The following RIMS1 variants were observed in gnomAD, a reference collection of about 807,000 sequenced individuals.
RIMS1 encodes the protein regulating synaptic membrane exocytosis 1.
A neutral mutation model predicts 214.1 loss-of-function variants in RIMS1; 83 were observed. That is an observed-to-expected ratio of 0.39 (90% confidence interval 0.32 to 0.47). RIMS1 has a LOEUF of 0.47. Ranked by LOEUF, RIMS1 falls within the 20% of genes least tolerant of loss-of-function variation. RIMS1 has a pLI of 0.99. For synonymous variants in RIMS1, 793 were observed against 786.8 expected, an observed-to-expected ratio of 1.01 and a Z score of -0.13; for missense variants, 2,050 against 2,161.8, an observed-to-expected ratio of 0.95 and a Z score of 1.03.
chr6:72,232,276 C>G (rs1185125162), intron 6 of RIMS1, among the ~76,000 whole-genome samples: 2 of 151,428 alleles, frequency 1.3e-5, no homozygotes, highest in African/African-American at 4.8e-5. Flanking sequence ...CAATAATTAC[C>G]TTTTGAATTA....
Position 72,251,384 on chromosome 6 carries a change from T to G in RIMS1, c.2698+16T>G. On this transcript the variant is annotated intron_variant, in intron 15 of 33. Coordinates refer to ENST00000521978, the MANE Select transcript of RIMS1 (RefSeq NM_014989.7). ...AAGCTACAAAGTAGGTTAAGGTCCT[T>G]TTAGTTGCCACAAAGTAATTATGCT... 1 of 1,547,480 alleles carries G rather than the reference T, an allele frequency of 6.5e-7. No individual in the cohort carries two copies. Among genetic ancestry groups the G allele is most frequent in the Non-Finnish European group, 8.7e-7 (1 of 1,145,458 alleles).
intron 29 of RIMS1, among the ~76,000 whole-genome samples, chr6:72,348,367 G>A (rs2097336939): frequency 6.6e-6 from 1 of 151,842 alleles, no homozygotes; most frequent in African/African-American, 2.4e-5. Context: ...TCATCCTGGA[G>A]TCAATCCCCA....
At chr6:71,964,790 G>C (rs1793973072) in intron 1 of RIMS1, among the ~76,000 whole-genome samples, 1 of 152,160 alleles carries the variant, frequency 6.6e-6, no homozygotes, top group African/African-American at 2.4e-5. Flanking sequence ...GAGTTAAGAA[G>C]AAAGAATCAG....
In RIMS1 at chr6:72,220,339, G is replaced by GA. The variant is rs76600666; in HGVS notation, c.1679-13428dup. 2.0e-5 allele frequency among the ~76,000 whole-genome samples: 3 copies of GA among 152,074 alleles called. No individual in the cohort carries two copies. In the East Asian group the frequency reaches 5.8e-4, roughly 29 times the overall value. ...TAAAGGAAGCAATGGACTCTTGAGGGAAAAAATACTTTTGCACACAAAATT... is the reference window on the plus strand; with the variant it reads ...TAAAGGAAGCAATGGACTCTTGAGGGAAAAAAATACTTTTGCACACAAAATT... On this transcript the variant is annotated intron_variant, in intron 6 of 33. Transcript: ENST00000521978.
intron 29 of RIMS1, among the ~76,000 whole-genome samples, chr6:72,358,059 T>A (rs1014248067): frequency 3.2e-5 from 4 of 126,662 alleles, no homozygotes; most frequent in Admixed American, 1.6e-4. Flanking sequence ...TTAAACAGTA[T>A]CACCACCTTG....
In RIMS1 at chr6:72,320,103, C is replaced by T. The variant is rs62407507; in HGVS notation, c.4130+6431C>T. 4.4e-3 allele frequency among the ~76,000 whole-genome samples: 674 copies of T among 152,226 alleles called. 7 individuals are homozygous for T. Among genetic ancestry groups the T allele is most frequent in the Admixed American group, 7.0e-3 (107 of 15,288 alleles). ...TTACTAATATTTAACTTATCCACTT[C>T]ACAGTGCTTCATGGTGAGTTGGATG... On this transcript the variant is annotated intron_variant, in intron 28 of 33. Transcript: ENST00000521978.
At chr6:72,191,190 C>A (rs1452395446) in intron 6 of RIMS1, among the ~76,000 whole-genome samples, 1 of 152,186 alleles carries the variant, frequency 6.6e-6, no homozygotes, top group Non-Finnish European at 1.5e-5. Context: ...GATAGATGGG[C>A]AGAGTAACAC....
chr6:72,349,829 A>T (rs1283968884), intron 29 of RIMS1, among the ~76,000 whole-genome samples: 1 of 152,100 alleles, frequency 6.6e-6, no homozygotes, highest in African/African-American at 2.4e-5. Context: ...GTTTTTAAAA[A>T]GGAAAAATAA....
chr6:72,262,642 A>G, intron 19 of RIMS1: 1 of 898,710 alleles, frequency 1.1e-6, no homozygotes. Context: ...TGTATTTATA[A>G]AAACATTAAT....
Position 72,182,278 on chromosome 6 carries a change from T to A in RIMS1, c.813-6T>A. 6.4e-7 allele frequency: 1 copy of A among 1,562,868 alleles called. No homozygotes were observed. Among genetic ancestry groups the A allele is most frequent in the Non-Finnish European group, 8.6e-7 (1 of 1,159,788 alleles). On this transcript the variant is annotated splice_polypyrimidine_tract_variant and splice_region_variant and intron_variant, in intron 5 of 33. Coordinates refer to ENST00000521978, the MANE Select transcript of RIMS1 (RefSeq NM_014989.7). The stretch of plus-strand genomic sequence containing the variant: ...GCTCTCCTTGACGTTCCTTTGTATA[T>A]CATAGAAAGAAGACCCCAGGGCTTT...
At chr6:72,122,129 G>A in intron 4 of RIMS1, among the ~76,000 whole-genome samples, 1 of 150,970 alleles carries the variant, frequency 6.6e-6, no homozygotes, top group East Asian at 1.9e-4. Context: ...TTTTTGTTGT[G>A]TCTCTGCCAG....
intron 2 of RIMS1, among the ~76,000 whole-genome samples, chr6:71,980,363 A>C (rs888704132): frequency 2.0e-5 from 3 of 152,152 alleles, no homozygotes; most frequent in Admixed American, 1.3e-4. Flanking sequence ...AAATGAATGC[A>C]CTCATGTATT....
chr6:71,959,150 T>G (rs898880963), intron 1 of RIMS1, among the ~76,000 whole-genome samples: 1 of 152,158 alleles, frequency 6.6e-6, no homozygotes, highest in African/African-American at 2.4e-5. Context: ...CACTTTAATA[T>G]TTTTACAAAA....
intron 28 of RIMS1, among the ~76,000 whole-genome samples, chr6:72,325,033 G>A (rs751383770): frequency 4.6e-5 from 7 of 151,930 alleles, no homozygotes; most frequent in Non-Finnish European, 8.8e-5. Context: ...AAATGATTCT[G>A]TAATTGTTTT....
chr6:72,030,187 T>G (rs540231047), intron 2 of RIMS1, among the ~76,000 whole-genome samples: 1 of 152,312 alleles, frequency 6.6e-6, no homozygotes, highest in East Asian at 1.9e-4. Context: ...AATGCAGAGT[T>G]TGATTCATTA....
chr6:72,268,589 A>G (rs2081629155), intron 22 of RIMS1, among the ~76,000 whole-genome samples: 1 of 152,192 alleles, frequency 6.6e-6, no homozygotes, highest in Non-Finnish European at 1.5e-5. Flanking sequence ...TTTTCTAATG[A>G]TTCAGAAGAT....
intron 1 of RIMS1, among the ~76,000 whole-genome samples, chr6:71,918,667 A>G (rs1779122853): frequency 6.6e-6 from 1 of 152,166 alleles, no homozygotes; most frequent in African/African-American, 2.4e-5. Context: ...GTTTAAAAGA[A>G]AAATCTTGAT....
At chr6:72,168,333 C>T (rs576544917) in intron 4 of RIMS1, among the ~76,000 whole-genome samples, 1 of 152,200 alleles carries the variant, frequency 6.6e-6, no homozygotes, top group South Asian at 2.1e-4. Context: ...AGCTTTGGAG[C>T]AGAAATGAAA....
At chr6:71,994,190 A>T (rs1157851489) in intron 2 of RIMS1, among the ~76,000 whole-genome samples, 2 of 152,170 alleles carry the variant, frequency 1.3e-5, no homozygotes, top group Non-Finnish European at 2.9e-5. Context: ...TGGAGGATTT[A>T]TGTGGGGAAT....
Sources: allele counts gnomAD v4.1 joint callset (sites outside exome capture counted in the v4.1 genomes callset), GRCh38; gene constraint gnomAD v4.1.1; transcripts MANE v1.5; gene names NCBI Gene and HGNC (gene_info 2026-07-23, HGNC 2026-07-21).